The following ZNF827 variants were observed in gnomAD, a reference collection of about 807,000 sequenced individuals.
ZNF827 encodes zinc finger protein 827.
In ZNF827, 13 loss-of-function variants were observed where a neutral mutation model predicts 102.4. The ratio of observed to expected loss-of-function variants is 0.13; its 90% confidence interval spans 0.08 to 0.20. The LOEUF is 0.20. ZNF827 is among the 10% of genes least tolerant of loss of function. The pLI is 1.00. For missense variants in ZNF827, 1,103 were observed against 1,344.4 expected (o/e 0.82, Z 2.81); for synonymous variants, 523 against 536.2 (o/e 0.98, Z 0.34).
chr4:145,914,089 A>ACACC (rs1170458802), intron 1 of ZNF827, among the ~76,000 whole-genome samples: 19 of 151,634 alleles, frequency 1.3e-4, no homozygotes, highest in African/African-American at 4.1e-4. Flanking sequence ...ACACACACAC[A>ACACC]CCAAGAGCAT....
Position 145,761,714 on chromosome 4 carries a change from T to TGCCCA in ZNF827, c.*18-121_*18-117dup, listed in dbSNP as rs767361181. 36 of 618,948 alleles carry TGCCCA rather than the reference T, an allele frequency of 5.8e-5. No individual in the cohort carries two copies. Among genetic ancestry groups the TGCCCA allele is most frequent in the South Asian group, 2.2e-4 (12 of 54,048 alleles). The allele number at this position is 618,948 out of a possible 1,614,324, so 38.3% of individuals were successfully genotyped here. A position where few individuals can be genotyped will look rare whatever the true frequency, so the allele number is the denominator to read the frequency against. ...ACCCCCCAGTGTCTGAGGCCTGGCC[T>TGCCCA]GCCCAGCCCAGCCCAGCCCTGCCGC... On this transcript the variant is annotated intron_variant, in intron 14 of 14. Transcript: ENST00000508784. This position sits in a 1 kb window ranked among gnomAD's most constrained non-coding sequence, Gnocchi z 6.8.
chr4:145,923,309 ACAGATTGAATG>A (rs1354963180), intron 1 of ZNF827, among the ~76,000 whole-genome samples: 2 of 152,172 alleles, frequency 1.3e-5, no homozygotes, highest in Admixed American at 6.5e-5. Context: ...AAAACATGTC[ACAGATTGAATG>A]CAGGCCAGGT....
At chr4:145,795,205 T>C (rs541041550) in intron 8 of ZNF827, among the ~76,000 whole-genome samples, 2 of 152,316 alleles carry the variant, frequency 1.3e-5, no homozygotes, top group South Asian at 4.1e-4. Flanking sequence ...TGGAGTGTAG[T>C]GGCATGATCC....
chr4:145,779,581 A>C (rs1737649257), intron 8 of ZNF827, 70 bp from the exon 9 acceptor site: 2 of 1,566,136 alleles, frequency 1.3e-6, no homozygotes, highest in African/African-American at 2.7e-5. Flanking sequence ...GTCAACATTC[A>C]GGATTTCAGC....
intron 8 of ZNF827, among the ~76,000 whole-genome samples, chr4:145,787,783 G>T (rs1271680446): frequency 1.3e-5 from 2 of 152,100 alleles, no homozygotes; most frequent in Non-Finnish European, 2.9e-5. Context: ...AGAGGACTCT[G>T]ATACTTCCAA....
chr4:145,871,461 A>G (rs528194686), intron 4 of ZNF827, among the ~76,000 whole-genome samples: 1 of 152,320 alleles, frequency 6.6e-6, no homozygotes, highest in African/African-American at 2.4e-5. Context: ...ACTACCCAGG[A>G]AAGACCACAA....
intron 8 of ZNF827, among the ~76,000 whole-genome samples, chr4:145,789,560 C>T (rs115691335): frequency 0.011 from 1,725 of 152,238 alleles, 40 homozygotes; most frequent in African/African-American, 0.04. Context: ...TACAACACAA[C>T]AAAACAAAAG....
Position 145,902,256 on chromosome 4 carries a change from G to T in ZNF827, c.1003C>A (p.Pro335Thr), listed in dbSNP as rs771020716. ...EKVTPPPPPP[P>T]PPPPPPPPQS... is the part of the protein sequence containing the mutation. The stretch of plus-strand genomic sequence containing the variant: ...GGTGGTGGTGGTGGAGGTGGTGGAG[G>T]TGGCGGTGGAGGTGGCGGAGTGACT... The change falls in exon 2 of 15, where the codon CCT (proline) becomes ACT (threonine). Residue 335 changes from proline (P) to threonine (T), a missense_variant. Coordinates refer to ENST00000508784, the MANE Select transcript of ZNF827 (RefSeq NM_001306215.2). The surrounding 1 kb of genome is among the most constrained non-coding windows in gnomAD (Gnocchi z 4.3). 6.3e-7 allele frequency: 1 copy of T among 1,597,028 alleles called. No individual in the cohort carries two copies. Among genetic ancestry groups the T allele is most frequent in the African/African-American group, 1.3e-5 (1 of 74,074 alleles).
intron 5 of ZNF827, among the ~76,000 whole-genome samples, chr4:145,861,550 T>C (rs1435671702): frequency 6.6e-6 from 1 of 152,206 alleles, no homozygotes; most frequent in Non-Finnish European, 1.5e-5. Flanking sequence ...AAGTATGTGT[T>C]ACCGATTAGG....
intron 8 of ZNF827, among the ~76,000 whole-genome samples, chr4:145,803,984 C>T (rs1741167577): frequency 6.6e-6 from 1 of 152,148 alleles, no homozygotes; most frequent in African/African-American, 2.4e-5. Flanking sequence ...GAGGGGCCAC[C>T]ATTGCCAGAT....
chr4:145,873,434 T>C (rs771524341), intron 4 of ZNF827, among the ~76,000 whole-genome samples: 13 of 152,210 alleles, frequency 8.5e-5, no homozygotes, highest in Non-Finnish European at 1.6e-4. Context: ...TCAGAAGTGC[T>C]TTCCCTGGAT....
intron 8 of ZNF827, among the ~76,000 whole-genome samples, chr4:145,805,471 A>T (rs900460868): frequency 4.6e-5 from 7 of 152,190 alleles, no homozygotes; most frequent in Admixed American, 2.6e-4. Context: ...ATCAATAATT[A>T]ACTAATTATT....
chr4:145,804,630 T>C (rs1741227632), intron 8 of ZNF827, among the ~76,000 whole-genome samples: 1 of 152,180 alleles, frequency 6.6e-6, no homozygotes, highest in Non-Finnish European at 1.5e-5. Context: ...ACTGGTACAT[T>C]TAGTTGAAAA....
intron 11 of ZNF827, among the ~76,000 whole-genome samples, chr4:145,771,524 C>T (rs975527864): frequency 3.9e-5 from 6 of 152,284 alleles, no homozygotes; most frequent in African/African-American, 1.2e-4. Flanking sequence ...GCAAAATTTG[C>T]ACTGAAGAAG....
At chr4:145,877,170 G>A (rs1276097912) in intron 4 of ZNF827, among the ~76,000 whole-genome samples, 2 of 152,266 alleles carry the variant, frequency 1.3e-5, no homozygotes, top group Non-Finnish European at 1.5e-5. Flanking sequence ...TAGGCTCAGA[G>A]GATTATACGA....
chr4:145,851,407 A>G (rs568472747), intron 5 of ZNF827, among the ~76,000 whole-genome samples: 11 of 152,036 alleles, frequency 7.2e-5, no homozygotes, highest in Non-Finnish European at 1.6e-4. Context: ...CATCAGGGAA[A>G]CCTCATTGTT....
chr4:145,797,436 C>G (rs942052113), intron 8 of ZNF827, among the ~76,000 whole-genome samples: 3 of 152,210 alleles, frequency 2.0e-5, no homozygotes, highest in African/African-American at 4.8e-5. Context: ...ATCTTTCTAT[C>G]AAGTTACAGC....
chr4:145,801,706 T>A (rs1162956189), intron 8 of ZNF827, among the ~76,000 whole-genome samples: 1 of 152,218 alleles, frequency 6.6e-6, no homozygotes, highest in Non-Finnish European at 1.5e-5. Flanking sequence ...TTCATTTTCA[T>A]CAACATTAGC....
rs1579079283 is a variant in ZNF827, at chr4:145,765,249, C to T, written c.3053-84G>A. The T allele has an allele frequency of 7.2e-7, 1 of 1,392,314 alleles. No homozygotes were observed. The highest frequency in any genetic ancestry group is 2.5e-5 in the East Asian group (1 of 40,408). The allele number at this position is 1,392,314 out of a possible 1,614,324, so 86.2% of individuals were successfully genotyped here. ...AGTGGAGCCAAGCTCCTCCCCACTT[C>T]CTCCCGCCTCCTCCGACGCCTGACA... On this transcript the variant is annotated intron_variant, in intron 12 of 14. Transcript: ENST00000508784. The surrounding 1 kb of genome is among the most constrained non-coding windows in gnomAD (Gnocchi z 4.7).
Sources: gnomAD v4.1 joint callset for allele counts (sites outside exome capture counted in the v4.1 genomes callset) on GRCh38, gnomAD v4.1.1 for gene constraint, Gnocchi (gnomAD v3.1) non-coding constraint, MANE v1.5 for transcripts, NCBI Gene and HGNC (gene_info 2026-07-23, HGNC 2026-07-21) for gene names.